The following STARD13 variants were observed in gnomAD, a reference collection of about 807,000 sequenced individuals.
STARD13 encodes the protein StAR related lipid transfer domain containing 13.
Under a neutral mutation model 106.4 loss-of-function variants are expected in STARD13, and 62 were observed. That is an observed-to-expected ratio of 0.58 (90% confidence interval 0.48 to 0.72). The LOEUF (loss-of-function observed/expected upper bound fraction) is 0.72. Among genes scored for constraint, STARD13 ranks in the 30% least tolerant of loss-of-function variants. STARD13 has a pLI of 0.00. For synonymous variants in STARD13, 565 were observed against 553.0 expected, an observed-to-expected ratio of 1.02 and a Z score of -0.31; for missense variants, 1,387 against 1,424.0, an observed-to-expected ratio of 0.97 and a Z score of 0.42.
intron 1 of STARD13, among the ~76,000 whole-genome samples, chr13:33,186,362 C>T (rs115615364): frequency 2.0e-5 from 3 of 152,154 alleles, no homozygotes; most frequent in South Asian, 2.1e-4. Context: ...CTTTTAGTAG[C>T]GAACAGAACT....
At chr13:33,373,094 A>C in the STARD13 span, among the ~76,000 whole-genome samples, 3 of 152,174 alleles carry the variant, frequency 2.0e-5, no homozygotes, top group Non-Finnish European at 1.5e-5. Context: ...ATGTTCCTCC[A>C]ACTGTACTAC....
intron 1 of STARD13, among the ~76,000 whole-genome samples, chr13:33,291,508 G>T (rs960056465): frequency 2.7e-4 from 41 of 152,248 alleles, no homozygotes; most frequent in African/African-American, 9.4e-4. Flanking sequence ...TGCATTCAGG[G>T]CATTGTACTT....
chr13:33,507,832 ATATT>A, the STARD13 span, among the ~76,000 whole-genome samples: 1 of 152,178 alleles, frequency 6.6e-6, no homozygotes, highest in Non-Finnish European at 1.5e-5. Context: ...AAGAGAAAAT[ATATT>A]TATTATTGAT....
At chr13:33,359,863 C>A in the STARD13 span, among the ~76,000 whole-genome samples, 1 of 152,122 alleles carries the variant, frequency 6.6e-6, no homozygotes, top group Non-Finnish European at 1.5e-5. Context: ...TGAGATTAAA[C>A]CTATTTCATT....
At chr13:33,197,287 C>A (rs1594090492) in intron 1 of STARD13, among the ~76,000 whole-genome samples, 1 of 152,174 alleles carries the variant, frequency 6.6e-6, no homozygotes, top group Non-Finnish European at 1.5e-5. Flanking sequence ...ACTCATATCC[C>A]ATGTGAGGCA....
the STARD13 span, among the ~76,000 whole-genome samples, chr13:33,521,288 T>C: frequency 6.6e-6 from 1 of 152,080 alleles, no homozygotes; most frequent in Admixed American, 6.6e-5. Flanking sequence ...TAATGTCAGA[T>C]GAATGAAGGT....
the STARD13 span, among the ~76,000 whole-genome samples, chr13:33,459,832 A>G: frequency 6.6e-6 from 1 of 152,290 alleles, no homozygotes. Flanking sequence ...CTGGATATAG[A>G]ATTCTAGCTT....
At chr13:33,319,501 G>A (rs769567225) in intron 1 of STARD13, among the ~76,000 whole-genome samples, 5 of 152,112 alleles carry the variant, frequency 3.3e-5, no homozygotes, top group Non-Finnish European at 7.4e-5. Context: ...AACTACTGAA[G>A]TGTGCATTTT....
intron 4 of STARD13, among the ~76,000 whole-genome samples, chr13:33,136,456 C>T (rs924729191): frequency 6.6e-6 from 1 of 152,250 alleles, no homozygotes; most frequent in Non-Finnish European, 1.5e-5. Context: ...AAGCTACAAA[C>T]CCACAGACTG....
chr13:33,396,079 C>T, the STARD13 span, among the ~76,000 whole-genome samples: 6 of 152,074 alleles, frequency 3.9e-5, no homozygotes, highest in African/African-American at 1.2e-4. Context: ...TTTCGAACTC[C>T]TGGGTTCAAG....
At chr13:33,553,704 C>T in the STARD13 span, among the ~76,000 whole-genome samples, 17 of 151,404 alleles carry the variant, frequency 1.1e-4, no homozygotes, top group African/African-American at 3.2e-4. Flanking sequence ...CTCAGCCTCC[C>T]GAGTAGCTGG....
chr13:33,632,392 AT>A, the STARD13 span, among the ~76,000 whole-genome samples: 1 of 152,318 alleles, frequency 6.6e-6, no homozygotes. Flanking sequence ...CCAGAATTAT[AT>A]AGTTATAGTT....
chr13:33,528,159 T>C, the STARD13 span, among the ~76,000 whole-genome samples: 1 of 139,578 alleles, frequency 7.2e-6, no homozygotes, highest in Non-Finnish European at 1.5e-5. Context: ...TTTCCCCAGC[T>C]AAGCTAATAT....
chr13:33,410,464 A>C, the STARD13 span, among the ~76,000 whole-genome samples: 1 of 152,216 alleles, frequency 6.6e-6, no homozygotes, highest in African/African-American at 2.4e-5. Context: ...CCATGAGGCC[A>C]ATGTTTATAG....
intron 1 of STARD13, among the ~76,000 whole-genome samples, chr13:33,306,429 T>C (rs1892908587): frequency 6.6e-6 from 1 of 152,178 alleles, no homozygotes; most frequent in African/African-American, 2.4e-5. Context: ...AAAGATTTCA[T>C]GACAAAAACA....
intron 1 of STARD13, among the ~76,000 whole-genome samples, chr13:33,204,831 T>C (rs1385303430): frequency 1.3e-5 from 2 of 152,262 alleles, no homozygotes; most frequent in Non-Finnish European, 2.9e-5. Flanking sequence ...GACATCCATA[T>C]TGGGCCATAA....
chr13:33,146,549 A>G (rs1270536258), intron 3 of STARD13, among the ~76,000 whole-genome samples: 1 of 152,240 alleles, frequency 6.6e-6, no homozygotes, highest in African/African-American at 2.4e-5. Context: ...TCACAAAATT[A>G]ATCAAATTGT....
At chr13:33,364,478 T>C in the STARD13 span, among the ~76,000 whole-genome samples, 1 of 152,204 alleles carries the variant, frequency 6.6e-6, no homozygotes, top group African/African-American at 2.4e-5. Context: ...AACGTGCAAG[T>C]TTGTTGTGTG....
intron 1 of STARD13, among the ~76,000 whole-genome samples, chr13:33,190,087 A>G (rs1451072549): frequency 6.6e-6 from 1 of 152,112 alleles, no homozygotes; most frequent in Non-Finnish European, 1.5e-5. Flanking sequence ...CTAAAGGTCT[A>G]TCATGGCTAG....
Sources: gnomAD v4.1 joint callset for allele counts (sites outside exome capture counted in the v4.1 genomes callset) on GRCh38, gnomAD v4.1.1 for gene constraint, MANE v1.5 for transcripts, NCBI Gene and HGNC (gene_info 2026-07-23, HGNC 2026-07-21) for gene names.